CDKL1: variants seen among roughly 807,000 people sequenced by gnomAD.
The protein encoded by CDKL1 is cyclin-dependent kinase-like 1.
Under a neutral mutation model 42.0 loss-of-function variants are expected in CDKL1, and 41 were observed. The ratio of observed to expected loss-of-function variants is 0.98; its 90% CI spans 0.76 to 1.27. CDKL1 has a LOEUF of 1.27. Ranked by LOEUF, CDKL1 falls within the 50% of genes most tolerant of loss-of-function variation. The probability of loss-of-function intolerance (pLI) is 0.00; values close to 1 mark genes in which losing one functional copy is unlikely to be tolerated. For missense variants in CDKL1, 394 were observed against 428.4 expected, an observed-to-expected ratio of 0.92 and a Z score of 0.71; for synonymous variants, 153 against 158.6, an observed-to-expected ratio of 0.96 and a Z score of 0.26.
chr14:50,341,262 C>T (rs753317805), intron 5 of CDKL1, 30 bp from the exon 6 acceptor site: 1 of 1,559,746 alleles, frequency 6.4e-7, no homozygotes, highest in African/African-American at 1.4e-5. Context: ...GGAAAACAAA[C>T]AGCAGCGGAA....
At chr14:50,385,088 A>C (rs1595370834) in intron 2 of CDKL1, among the ~76,000 whole-genome samples, 1 of 23,916 alleles carries the variant, frequency 4.2e-5, no homozygotes, top group East Asian at 1.3e-3. Context: ...AAAAAAAAAA[A>C]AAAAAAAAAA....
chr14:50,396,034 A>G lies in CDKL1; in HGVS notation c.-166T>C. On this transcript the variant is annotated 5_prime_UTR_variant, in exon 2 of 10. Coordinates refer to ENST00000395834, the MANE Select transcript of CDKL1 (RefSeq NM_004196.7). ...ACTCCGTCTCTACTAAAGATACAAA[A>G]AATTAGCCGGGTGTGGTGATGGGCG... is the stretch of plus-strand genomic sequence containing the variant. 2.0e-6 allele frequency: 2 copies of G among 1,019,046 alleles called. No homozygotes were observed. The allele number at this position is 1,019,046 out of a possible 1,614,324, so 63.1% of individuals were successfully genotyped here.
chr14:50,387,254 A>G (rs542193462), intron 2 of CDKL1, among the ~76,000 whole-genome samples: 43 of 145,876 alleles, frequency 2.9e-4, no homozygotes, highest in South Asian at 6.6e-4. Context: ...TGATGCGGTG[A>G]CTCATGCCTG....
At chr14:50,387,205 T>TGA (rs1423667607) in intron 2 of CDKL1, among the ~76,000 whole-genome samples, 1 of 32,212 alleles carries the variant, frequency 3.1e-5, no homozygotes, top group Admixed American at 3.1e-4. Flanking sequence ...AGACCCTGTC[T>TGA]TAAAAAAAAA....
intron 2 of CDKL1, among the ~76,000 whole-genome samples, chr14:50,394,891 C>A (rs1391919704): frequency 6.6e-6 from 1 of 152,160 alleles, no homozygotes; most frequent in Non-Finnish European, 1.5e-5. Flanking sequence ...AATCCCACCA[C>A]TTTAGGAGGC....
intron 8 of CDKL1, 83 bp downstream of exon 8, chr14:50,334,482 A>G (rs2033144895): frequency 1.2e-6 from 1 of 829,238 alleles, no homozygotes; most frequent in African/African-American, 1.7e-5. Flanking sequence ...TTTTCATTGC[A>G]TGGATTGACA....
At chr14:50,353,457 A>C (rs935236266) in intron 3 of CDKL1, among the ~76,000 whole-genome samples, 7 of 152,164 alleles carry the variant, frequency 4.6e-5, no homozygotes, top group Non-Finnish European at 8.8e-5. Flanking sequence ...TCATTTCTAC[A>C]CAAGGCTATC....
intron 6 of CDKL1, among the ~76,000 whole-genome samples, chr14:50,340,371 G>T (rs2033467975): frequency 6.6e-6 from 1 of 152,194 alleles, no homozygotes; most frequent in African/African-American, 2.4e-5. Context: ...TTTAGAGGAG[G>T]AAAAGTTTAC....
At chr14:50,388,577 T>G (rs906424713) in intron 2 of CDKL1, among the ~76,000 whole-genome samples, 1 of 152,212 alleles carries the variant, frequency 6.6e-6, no homozygotes, top group African/African-American at 2.4e-5. Flanking sequence ...GTCTGTGCTT[T>G]CCTCTTCTAT....
In CDKL1 at chr14:50,396,283, A is replaced by C; in HGVS notation, c.-415T>G. 4 of 1,025,796 alleles carry C rather than the reference A, an allele frequency of 3.9e-6. No homozygotes were observed. In the South Asian group the frequency reaches 1.1e-4, roughly 28 times the overall value. The allele number at this position is 1,025,796 out of a possible 1,614,324, so 63.5% of individuals were successfully genotyped here. A position where few individuals can be genotyped will look rare whatever the true frequency, so the allele number is the denominator to read the frequency against. On this transcript the variant is annotated 5_prime_UTR_variant, in exon 2 of 10. Transcript: ENST00000395834. ...CGTCGCTTATAAAATATTGGCACCA[A>C]CGGACTGCACTAGAGCCCCACCCAA... is the stretch of plus-strand genomic sequence containing the variant.
chr14:50,342,367 A>G, intron 4 of CDKL1, 145 bp from the exon 5 acceptor site: 1 of 1,455,938 alleles, frequency 6.9e-7, no homozygotes, highest in Non-Finnish European at 9.0e-7. Flanking sequence ...GCAGCCTAAA[A>G]TAAATCTAGT....
chr14:50,394,411 A>G (rs552578990), intron 2 of CDKL1, among the ~76,000 whole-genome samples: 2 of 152,256 alleles, frequency 1.3e-5, no homozygotes, highest in South Asian at 4.1e-4. Flanking sequence ...AAACCTAAAT[A>G]GAGAAGTTGC....
intron 3 of CDKL1, among the ~76,000 whole-genome samples, chr14:50,358,629 A>T (rs1595313548): frequency 1.4e-5 from 1 of 72,574 alleles, no homozygotes; most frequent in Non-Finnish European, 2.9e-5. Flanking sequence ...GGCTGTTTTT[A>T]ACTAGTCTTT....
chr14:50,353,056 A>C (rs2033950172), intron 3 of CDKL1, among the ~76,000 whole-genome samples: 1 of 152,232 alleles, frequency 6.6e-6, no homozygotes, highest in Non-Finnish European at 1.5e-5. Flanking sequence ...ATTAGATAAA[A>C]CATAGAGTCA....
chr14:50,387,762 T>C (rs1471180618), intron 2 of CDKL1, among the ~76,000 whole-genome samples: 1 of 152,188 alleles, frequency 6.6e-6, no homozygotes, highest in East Asian at 1.9e-4. Context: ...AAACAATTAA[T>C]AGACATATGT....
rs79696005 is a variant in CDKL1 at position 50,377,651 on chromosome 14, G to A, written c.168+18050C>T. On this transcript the variant is annotated intron_variant, in intron 2 of 9. Coordinates refer to ENST00000395834, the MANE Select transcript of CDKL1 (RefSeq NM_004196.7). ...GCTGATGATAAGTGGGGTGGGAGGA[G>A]CCCAGGGAGGTGTAGCAACACAGTC... 12 of 1,240,760 alleles carry A rather than the reference G, an allele frequency of 9.7e-6. No homozygotes were observed. In the African/African-American group the frequency reaches 2.0e-4, roughly 20 times the overall value. 76.9% of individuals were successfully genotyped at this position (1,240,760 alleles called of 1,614,324 possible).
chr14:50,332,457 TC>T (rs2033008520), intron 8 of CDKL1, 25 bp from the exon 9 acceptor site: 3 of 1,574,238 alleles, frequency 1.9e-6, no homozygotes, highest in African/African-American at 2.8e-5. Context: ...AATTCCTTCT[TC>T]TTACTTCTTC....
intron 2 of CDKL1, among the ~76,000 whole-genome samples, chr14:50,368,759 T>C (rs889630757): frequency 6.6e-6 from 1 of 152,176 alleles, no homozygotes; most frequent in African/African-American, 2.4e-5. Flanking sequence ...TCTGTCTTCA[T>C]TGGGCACCCA....
intron 3 of CDKL1, among the ~76,000 whole-genome samples, chr14:50,350,296 G>A (rs984700890): frequency 6.6e-6 from 1 of 152,194 alleles, no homozygotes; most frequent in African/African-American, 2.4e-5. Flanking sequence ...CCACATTGGT[G>A]GTAAATAGTG....
Sources: gnomAD v4.1 joint callset for allele counts (sites outside exome capture counted in the v4.1 genomes callset) on GRCh38, gnomAD v4.1.1 for gene constraint, MANE v1.5 for transcripts, NCBI Gene and HGNC (gene_info 2026-07-23, HGNC 2026-07-21) for gene names.